Variants in KLHL2 observed in about 807,000 individuals in gnomAD.
The protein encoded by KLHL2 is kelch like family member 2, also known as kelch-like protein 2.
In KLHL2, 15 loss-of-function variants were observed where a neutral mutation model predicts 75.8. That is an observed-to-expected ratio of 0.20 (90% CI 0.13 to 0.30). The LOEUF (loss-of-function observed/expected upper bound fraction) is 0.30, where lower values mean the gene tolerates loss of function less well. Among genes scored for constraint, KLHL2 ranks in the 10% least tolerant of loss-of-function variants. KLHL2 has a pLI of 1.00. For missense variants in KLHL2, 381 were observed against 741.0 expected (o/e 0.51, Z 5.64); for synonymous variants, 214 against 251.9 (o/e 0.85, Z 1.42).
At chr4:165,297,792 C>G in intron 7 of KLHL2, 67 bp downstream of exon 7, 1 of 936,810 alleles carries the variant, frequency 1.1e-6, no homozygotes, top group Non-Finnish European at 1.8e-6. Flanking sequence ...GCATGTAGAT[C>G]CCTATCAAGC....
At chr4:165,217,892 C>T (rs1737658475) in intron 1 of KLHL2, among the ~76,000 whole-genome samples, 1 of 152,144 alleles carries the variant, frequency 6.6e-6, no homozygotes. Context: ...TTGATCTCTG[C>T]CTATCTCAAA....
At chr4:165,258,158 G>A (rs1741333955) in intron 4 of KLHL2, among the ~76,000 whole-genome samples, 1 of 152,178 alleles carries the variant, frequency 6.6e-6, no homozygotes, top group South Asian at 2.1e-4. Flanking sequence ...GGCTTTTGGA[G>A]TGTGGCCTTC....
chr4:165,217,335 ATC>A (rs1737618227), intron 1 of KLHL2, among the ~76,000 whole-genome samples: 1 of 152,158 alleles, frequency 6.6e-6, no homozygotes, highest in African/African-American at 2.4e-5. Context: ...GAATGAGAAT[ATC>A]TGTCTTATAC....
chr4:165,221,551 G>A (rs181231352), intron 2 of KLHL2, among the ~76,000 whole-genome samples: 6 of 152,274 alleles, frequency 3.9e-5, no homozygotes, highest in Admixed American at 3.3e-4. Flanking sequence ...GTAGGTAGGA[G>A]GGGCCATTGG....
chr4:165,263,692 C>T (rs1460130978), intron 5 of KLHL2, among the ~76,000 whole-genome samples: 3 of 150,926 alleles, frequency 2.0e-5, no homozygotes, highest in Non-Finnish European at 2.9e-5. Context: ...CAACCTCCGC[C>T]TCCAGGGTTC....
In KLHL2 at chr4:165,250,156, A is replaced by G. The variant is rs545164985; in HGVS notation, c.381+11257A>G. ...AAAAAAATAGTTTGTTCTGACAGAG[A>G]CTATCACTATATATTTGATTATGTT... On this transcript the variant is annotated intron_variant, in intron 4 of 14. Coordinates refer to ENST00000226725, the MANE Select transcript of KLHL2 (RefSeq NM_007246.4). Among the ~76,000 whole-genome samples, 5 of 152,098 alleles carry G rather than the reference A, an allele frequency of 3.3e-5. No homozygotes were observed. The East Asian group carries it at 7.7e-4, about 23-fold the overall frequency.
At chr4:165,227,613 G>T (rs1221867932) in intron 2 of KLHL2, among the ~76,000 whole-genome samples, 1 of 152,134 alleles carries the variant, frequency 6.6e-6, no homozygotes, top group Non-Finnish European at 1.5e-5. Flanking sequence ...GGTGTGGAAG[G>T]GACATTTGCT....
At chr4:165,276,901 A>G (rs1329304100) in intron 5 of KLHL2, among the ~76,000 whole-genome samples, 1 of 151,826 alleles carries the variant, frequency 6.6e-6, no homozygotes, top group East Asian at 1.9e-4. Context: ...TTGTGTTTGA[A>G]AACAGTATTT....
At chr4:165,304,668 T>C (rs1398555735) in intron 8 of KLHL2, among the ~76,000 whole-genome samples, 2 of 152,218 alleles carry the variant, frequency 1.3e-5, no homozygotes, top group South Asian at 2.1e-4. Context: ...AGCAAGACCA[T>C]AGATCAGGTT....
At chr4:165,292,334 C>T (rs1162298358) in intron 5 of KLHL2, among the ~76,000 whole-genome samples, 1 of 140,778 alleles carries the variant, frequency 7.1e-6, no homozygotes, top group East Asian at 1.9e-4. Flanking sequence ...TTGGGGTGAA[C>T]TTTTTTATTT....
rs55960426 is a variant in KLHL2 at position 165,264,585 on chromosome 4, C to CATAT, written c.544+1244_544+1247dup. 2.2e-3 allele frequency among the ~76,000 whole-genome samples: 289 copies of CATAT among 129,376 alleles called. 2 individuals carry two copies. Among genetic ancestry groups the CATAT allele is most frequent in the African/African-American group, 3.3e-3 (107 of 32,544 alleles). 84.9% of individuals were successfully genotyped at this position (129,376 alleles called of 152,430 possible). A position where few individuals can be genotyped will look rare whatever the true frequency, so the allele number is the denominator to read the frequency against. On this transcript the variant is annotated intron_variant, in intron 5 of 14. Coordinates refer to ENST00000226725, the MANE Select transcript of KLHL2 (RefSeq NM_007246.4). Reference sequence around the variant, plus strand: ...TTTTTATGGCAGAGTAGTATTCCATCATATATATATATATATATATACACA... The same window carrying CATAT: ...TTTTTATGGCAGAGTAGTATTCCATCATATATATATATATATATATATATACACA...
At chr4:165,213,347 G>A (rs1197732505) in intron 1 of KLHL2, among the ~76,000 whole-genome samples, 1 of 152,170 alleles carries the variant, frequency 6.6e-6, no homozygotes, top group Admixed American at 6.5e-5. Context: ...AGAGACTCAG[G>A]CAGTCACAGC....
chr4:165,288,070 T>G (rs1454319035), intron 5 of KLHL2, among the ~76,000 whole-genome samples: 1 of 152,196 alleles, frequency 6.6e-6, no homozygotes, highest in Non-Finnish European at 1.5e-5. Context: ...CAAGAAATTA[T>G]TGACAAATCC....
In KLHL2 at chr4:165,319,241, G is replaced by T. The variant is rs752094193; in HGVS notation, c.1753+1272G>T. Among the ~76,000 whole-genome samples, 3 of 152,140 alleles carry T rather than the reference G, an allele frequency of 2.0e-5. No homozygotes were observed. Among genetic ancestry groups the T allele is most frequent in the Non-Finnish European group, 4.4e-5 (3 of 68,028 alleles). On this transcript the variant is annotated intron_variant, in intron 14 of 14. Transcript: ENST00000226725. This position sits in a 1 kb window ranked among gnomAD's most constrained non-coding sequence, Gnocchi z 4.5. ...GAGCAGTTTGTCTCTTCAGCGATGC[G>T]TATCTCAGTAAAAAGTTCTCTCTCA... is the stretch of plus-strand genomic sequence containing the variant.
intron 8 of KLHL2, among the ~76,000 whole-genome samples, chr4:165,304,180 CAAG>C (rs1271961047): frequency 8.5e-5 from 13 of 152,138 alleles, no homozygotes; most frequent in East Asian, 1.9e-4. Flanking sequence ...CATACCTGGC[CAAG>C]AAGAATAACA....
intron 9 of KLHL2, among the ~76,000 whole-genome samples, chr4:165,307,326 C>A (rs1425636238): frequency 1.3e-4 from 20 of 151,478 alleles, no homozygotes; most frequent in Admixed American, 1.2e-3. Context: ...AACAAACAAA[C>A]AAAAAAACAA....
intron 4 of KLHL2, among the ~76,000 whole-genome samples, chr4:165,241,904 C>G (rs1345660541): frequency 1.3e-5 from 2 of 152,134 alleles, no homozygotes; most frequent in East Asian, 3.9e-4. Context: ...AAAGAAGGGA[C>G]TATTGTTATT....
intron 3 of KLHL2, among the ~76,000 whole-genome samples, chr4:165,235,184 GTTAA>G (rs1739233492): frequency 6.7e-6 from 1 of 148,978 alleles, no homozygotes; most frequent in Non-Finnish European, 1.5e-5. Context: ...TATTTATTCA[GTTAA>G]TTTATTTATT....
At chr4:165,277,746 AAAACAC>A (rs1743241391) in intron 5 of KLHL2, 4 of 493,014 alleles carry the variant, frequency 8.1e-6, no homozygotes, top group Non-Finnish European at 1.4e-5. Flanking sequence ...GTGGATGTTA[AAAACAC>A]ACACACACAC....
Sources: gnomAD v4.1 joint callset for allele counts (sites outside exome capture counted in the v4.1 genomes callset) on GRCh38, gnomAD v4.1.1 for gene constraint, Gnocchi (gnomAD v3.1) non-coding constraint, MANE v1.5 for transcripts, NCBI Gene and HGNC (gene_info 2026-07-23, HGNC 2026-07-21) for gene names.